The following SUGCT variants were observed in gnomAD, a reference collection of about 807,000 sequenced individuals.
The protein encoded by SUGCT is succinyl-CoA:glutarate-CoA transferase.
A neutral mutation model predicts 55.0 loss-of-function variants in SUGCT; 41 were observed. That is an observed-to-expected ratio of 0.74 (90% CI 0.58 to 0.97). The LOEUF (loss-of-function observed/expected upper bound fraction) is 0.97, where lower values mean the gene tolerates loss of function less well. Among genes scored for constraint, SUGCT ranks in the 50% least tolerant of loss-of-function variants. The pLI is 0.00. For missense variants in SUGCT, 568 were observed against 547.8 expected, an observed-to-expected ratio of 1.04 and a Z score of -0.37; for synonymous variants, 187 against 200.4, an observed-to-expected ratio of 0.93 and a Z score of 0.56.
chr7:40,720,092 A>G (rs1786244491), intron 12 of SUGCT, among the ~76,000 whole-genome samples: 1 of 152,264 alleles, frequency 6.6e-6, no homozygotes, highest in African/African-American at 2.4e-5. Context: ...GGCTGGGAGC[A>G]CATGCAATTC....
At chr7:40,145,821 G>T (rs1788215967) in intron 1 of SUGCT, among the ~76,000 whole-genome samples, 1 of 152,118 alleles carries the variant, frequency 6.6e-6, no homozygotes, top group East Asian at 1.9e-4. Flanking sequence ...CAATTATTAG[G>T]CAATTTTCCT....
intron 12 of SUGCT, among the ~76,000 whole-genome samples, chr7:40,523,746 C>G (rs1337994198): frequency 6.6e-6 from 1 of 152,074 alleles, no homozygotes; most frequent in African/African-American, 2.4e-5. Context: ...AAATCATTAT[C>G]AAGATAAATC....
chr7:40,730,052 C>A (rs2128694397), intron 12 of SUGCT, among the ~76,000 whole-genome samples: 1 of 152,268 alleles, frequency 6.6e-6, no homozygotes, highest in South Asian at 2.1e-4. Context: ...CAGGGAAGAA[C>A]ATGAAGCAGG....
Position 40,180,805 on chromosome 7 carries a change from T to G in SUGCT, c.101-142T>G, listed in dbSNP as rs1785153359. 6.2e-6 allele frequency: 4 copies of G among 643,536 alleles called. No individual in the cohort carries two copies. The South Asian group carries it at 8.7e-5, about 14-fold the overall frequency. The allele number at this position is 643,536 out of a possible 1,614,324, so 39.9% of individuals were successfully genotyped here. A position where few individuals can be genotyped will look rare whatever the true frequency, so the allele number is the denominator to read the frequency against. Reference sequence around the variant, plus strand: ...GCCTGGCTGAGCTTCCAGTATTCTTTACTAGAGTCTTGTGGTCTGTGGACT... The same window carrying G: ...GCCTGGCTGAGCTTCCAGTATTCTTGACTAGAGTCTTGTGGTCTGTGGACT... On this transcript the variant is annotated intron_variant, in intron 1 of 13. Transcript: ENST00000335693.
At chr7:40,785,694 C>T (rs1365327875) in intron 13 of SUGCT, among the ~76,000 whole-genome samples, 2 of 152,058 alleles carry the variant, frequency 1.3e-5, no homozygotes, top group African/African-American at 2.4e-5. Context: ...ATGCATGTAA[C>T]GTCTTCTAAA....
At chr7:40,375,715 A>G (rs543203173) in intron 9 of SUGCT, among the ~76,000 whole-genome samples, 31 of 11,416 alleles carry the variant, frequency 2.7e-3, no homozygotes, top group African/African-American at 2.9e-3. Context: ...TTCTCAATTT[A>G]TAATTGTCTT....
intron 8 of SUGCT, among the ~76,000 whole-genome samples, chr7:40,313,330 C>A (rs565373473): frequency 6.6e-6 from 1 of 152,140 alleles, no homozygotes; most frequent in Non-Finnish European, 1.5e-5. Flanking sequence ...TAGTTATTAA[C>A]CAAAAAGTCA....
At chr7:40,657,828 C>T (rs1193130391) in intron 12 of SUGCT, among the ~76,000 whole-genome samples, 1 of 152,192 alleles carries the variant, frequency 6.6e-6, no homozygotes, top group East Asian at 1.9e-4. Flanking sequence ...GCCACTGCGC[C>T]CGGCCATGAA....
intron 13 of SUGCT, among the ~76,000 whole-genome samples, chr7:40,776,044 G>T (rs968029705): frequency 3.9e-5 from 6 of 152,134 alleles, no homozygotes; most frequent in South Asian, 2.1e-4. Context: ...ATACACCTTG[G>T]CCAAGTTCCT....
chr7:40,198,754 T>G (rs1032978037), intron 6 of SUGCT, among the ~76,000 whole-genome samples: 1 of 149,706 alleles, frequency 6.7e-6, no homozygotes, highest in African/African-American at 2.5e-5. Context: ...CCCAACACTT[T>G]GAGAGGCCAA....
At chr7:40,927,011 T>C in the SUGCT span, among the ~76,000 whole-genome samples, 1 of 152,220 alleles carries the variant, frequency 6.6e-6, no homozygotes, top group Non-Finnish European at 1.5e-5. Context: ...GTTTAGACAT[T>C]GCCTTTAAGG....
intron 9 of SUGCT, among the ~76,000 whole-genome samples, chr7:40,331,695 A>T (rs1332168802): frequency 6.6e-6 from 1 of 152,202 alleles, no homozygotes; most frequent in Non-Finnish European, 1.5e-5. Context: ...GCTCTGGGTC[A>T]TGGAGAAGTC....
At chr7:40,883,467 A>C in the SUGCT span, among the ~76,000 whole-genome samples, 1 of 152,202 alleles carries the variant, frequency 6.6e-6, no homozygotes, top group African/African-American at 2.4e-5. Flanking sequence ...CTAAGGTCAG[A>C]TCTTTACTCT....
the SUGCT span, among the ~76,000 whole-genome samples, chr7:40,962,565 TCACACACACA>T: frequency 0.019 from 2,588 of 136,100 alleles, 68 homozygotes; most frequent in African/African-American, 0.063. Context: ...CAAAGGTAAA[TCACACACACA>T]CACACACACA....
chr7:40,851,438 A>C (rs1793849022), intron 13 of SUGCT, among the ~76,000 whole-genome samples: 1 of 152,212 alleles, frequency 6.6e-6, no homozygotes, highest in African/African-American at 2.4e-5. Flanking sequence ...AGATGTTATA[A>C]TATATAATTT....
At chr7:40,177,692 T>C (rs929958873) in intron 1 of SUGCT, among the ~76,000 whole-genome samples, 1 of 152,168 alleles carries the variant, frequency 6.6e-6, no homozygotes, top group Non-Finnish European at 1.5e-5. Context: ...GGTATCTTCC[T>C]TGTTGTCATC....
intron 6 of SUGCT, among the ~76,000 whole-genome samples, chr7:40,224,880 T>C (rs1208957129): frequency 6.6e-6 from 1 of 152,138 alleles, no homozygotes; most frequent in Admixed American, 6.5e-5. Flanking sequence ...TGGGGAGTGC[T>C]CCTCCTGTGG....
In SUGCT at chr7:40,512,752, T is replaced by G. The variant is rs142157124; in HGVS notation, c.1089+16366T>G. Among the ~76,000 whole-genome samples, 316 of 152,098 alleles carry G rather than the reference T, an allele frequency of 2.1e-3. 2 individuals are homozygous for G. The highest frequency in any genetic ancestry group is 7.3e-3 in the African/African-American group (302 of 41,490). ...GAAGTAGTAACTGGCATAGAAATGG[T>G]AAGTGTGAAACTGCTGGGGAAATAT... On this transcript the variant is annotated intron_variant, in intron 12 of 13. Coordinates refer to ENST00000335693, the MANE Select transcript of SUGCT (RefSeq NM_001193313.2).
chr7:40,378,954 G>GA (rs1784738383), intron 9 of SUGCT, among the ~76,000 whole-genome samples: 1 of 152,196 alleles, frequency 6.6e-6, no homozygotes, highest in South Asian at 2.1e-4. Flanking sequence ...CATATGTTAA[G>GA]ATGTGATTAA....
Sources: gnomAD v4.1 joint callset for allele counts (sites outside exome capture counted in the v4.1 genomes callset) on GRCh38, gnomAD v4.1.1 for gene constraint, MANE v1.5 for transcripts, NCBI Gene and HGNC (gene_info 2026-07-23, HGNC 2026-07-21) for gene names.